Variants in SKAP1 observed in about 807,000 individuals in gnomAD.
The protein encoded by SKAP1 is src kinase-associated phosphoprotein 1.
A neutral mutation model predicts 58.5 loss-of-function variants in SKAP1; 44 were observed. The observed-to-expected ratio is 0.75, with a 90% CI of 0.59 to 0.97. The LOEUF (loss-of-function observed/expected upper bound fraction) is 0.97, where lower values mean the gene tolerates loss of function less well. SKAP1 is among the 50% of genes least tolerant of loss of function. The pLI, the probability that SKAP1 is intolerant of heterozygous loss-of-function variation, is 0.00. For missense variants in SKAP1, 390 were observed against 435.2 expected, an observed-to-expected ratio of 0.90 and a Z score of 0.92; for synonymous variants, 127 against 149.7, an observed-to-expected ratio of 0.85 and a Z score of 1.11.
intron 4 of SKAP1, among the ~76,000 whole-genome samples, chr17:48,216,484 T>C (rs139006015): frequency 6.7e-6 from 1 of 150,234 alleles, no homozygotes; most frequent in African/African-American, 2.5e-5. Flanking sequence ...CACCCAATAC[T>C]GTGAATATAC....
chr17:48,404,730 G>A (rs952619914), intron 1 of SKAP1, among the ~76,000 whole-genome samples: 2 of 151,898 alleles, frequency 1.3e-5, no homozygotes, highest in African/African-American at 2.4e-5. Context: ...TAGCATAAAA[G>A]TGGAACTCAT....
chr17:48,276,617 A>G (rs973221079), intron 4 of SKAP1, among the ~76,000 whole-genome samples: 2 of 152,192 alleles, frequency 1.3e-5, no homozygotes, highest in African/African-American at 2.4e-5. Flanking sequence ...CTTTTGTTCC[A>G]TACATGGTAC....
At chr17:48,415,213 T>G (rs1261794329) in intron 1 of SKAP1, among the ~76,000 whole-genome samples, 2 of 152,132 alleles carry the variant, frequency 1.3e-5, no homozygotes, top group African/African-American at 4.8e-5. Context: ...TTTGAACTAC[T>G]AAAGCAGAAC....
At chr17:48,240,859 T>C (rs571386055) in intron 4 of SKAP1, among the ~76,000 whole-genome samples, 3 of 152,318 alleles carry the variant, frequency 2.0e-5, no homozygotes, top group African/African-American at 7.2e-5. Flanking sequence ...ACACATAGTA[T>C]GATGGCTTCC....
chr17:48,207,048 A>G (rs1054460071), intron 4 of SKAP1, among the ~76,000 whole-genome samples: 2 of 152,330 alleles, frequency 1.3e-5, no homozygotes, highest in South Asian at 2.1e-4. Flanking sequence ...CAGTACAGCC[A>G]TGTCTCCATA....
chr17:48,243,452 T>C (rs2065262585), intron 4 of SKAP1, among the ~76,000 whole-genome samples: 1 of 152,160 alleles, frequency 6.6e-6, no homozygotes, highest in East Asian at 1.9e-4. Flanking sequence ...TGTCAAACAG[T>C]TCATCTTTTG....
Position 48,233,904 on chromosome 17 carries a change from C to T in SKAP1, c.281-44404G>A, listed in dbSNP as rs181161324. Among the ~76,000 whole-genome samples the T allele has an allele frequency of 1.1e-4, 16 of 152,238 alleles. No homozygotes were observed. In the East Asian group the frequency reaches 1.7e-3, roughly 16 times the overall value. On this transcript the variant is annotated intron_variant, in intron 4 of 12. Transcript: ENST00000336915. ...GAGTGGCAGAAATACAAGCCAACAG[C>T]TTCTCTCTCTGCATCCCCCATGCTT...
chr17:48,431,845 T>A (rs542455106), upstream of SKAP1, among the ~76,000 whole-genome samples: 4 of 152,274 alleles, frequency 2.6e-5, no homozygotes, highest in South Asian at 8.3e-4. Context: ...ATGGACTCAA[T>A]CTAGCAGACG....
intron 4 of SKAP1, among the ~76,000 whole-genome samples, chr17:48,258,577 C>G (rs1183144292): frequency 6.6e-6 from 1 of 152,020 alleles, no homozygotes; most frequent in African/African-American, 2.4e-5. Context: ...TGCAGTTTCT[C>G]TAGATGAGAT....
At chr17:48,171,093 G>GTTTTTTTTTTTTTTTT (rs71141969) in intron 9 of SKAP1, among the ~76,000 whole-genome samples, 1 of 70,242 alleles carries the variant, frequency 1.4e-5, no homozygotes, top group Non-Finnish European at 2.4e-5. Flanking sequence ...AATTACTGTT[G>GTTTTTTTTTTTTTTTT]TTTTTTTTTT....
intron 1 of SKAP1, among the ~76,000 whole-genome samples, chr17:48,404,833 T>C (rs949361174): frequency 6.6e-6 from 1 of 152,082 alleles, no homozygotes; most frequent in Non-Finnish European, 1.5e-5. Flanking sequence ...TTAATTACTA[T>C]TTAAAAGATA....
intron 4 of SKAP1, among the ~76,000 whole-genome samples, chr17:48,193,223 A>G (rs1318820676): frequency 6.6e-6 from 1 of 152,026 alleles, no homozygotes; most frequent in Non-Finnish European, 1.5e-5. Context: ...TTGTATTTTT[A>G]GTAGAGACGG....
intron 4 of SKAP1, among the ~76,000 whole-genome samples, chr17:48,237,640 G>T (rs927459603): frequency 3.3e-5 from 5 of 152,196 alleles, no homozygotes; most frequent in Admixed American, 2.6e-4. Context: ...AAGATAGGGA[G>T]ATTAACTGGA....
intron 4 of SKAP1, among the ~76,000 whole-genome samples, chr17:48,300,584 C>A (rs2144125411): frequency 6.6e-6 from 1 of 152,178 alleles, no homozygotes; most frequent in South Asian, 2.1e-4. Context: ...CATATTATAC[C>A]AAGAGAGAGT....
chr17:48,413,716 A>G (rs1187742688), intron 1 of SKAP1, among the ~76,000 whole-genome samples: 1 of 151,566 alleles, frequency 6.6e-6, no homozygotes, highest in Non-Finnish European at 1.5e-5. Flanking sequence ...TGGGTTTTCT[A>G]TGAAGTGATC....
At chr17:48,172,027 TCCA>T (rs2064225543) in intron 9 of SKAP1, among the ~76,000 whole-genome samples, 1 of 152,116 alleles carries the variant, frequency 6.6e-6, no homozygotes, top group South Asian at 2.1e-4. Context: ...GCCACTGCAC[TCCA>T]GCCTGGGTGA....
At chr17:48,286,109 T>C (rs2065827200) in intron 4 of SKAP1, among the ~76,000 whole-genome samples, 1 of 152,220 alleles carries the variant, frequency 6.6e-6, no homozygotes, top group Non-Finnish European at 1.5e-5. Context: ...TTGGGGAGGC[T>C]ACCTCAAATG....
chr17:48,264,273 C>G (rs895436417), intron 4 of SKAP1, among the ~76,000 whole-genome samples: 17 of 148,328 alleles, frequency 1.1e-4, no homozygotes, highest in African/African-American at 4.2e-4. Flanking sequence ...TACACACACA[C>G]AGAGATCAGA....
chr17:48,177,189 C>T (rs1362629607), intron 9 of SKAP1, among the ~76,000 whole-genome samples: 1 of 152,162 alleles, frequency 6.6e-6, no homozygotes, highest in African/African-American at 2.4e-5. Flanking sequence ...TTCACCTGCT[C>T]CATACACATA....
Sources: allele counts gnomAD v4.1 joint callset (sites outside exome capture counted in the v4.1 genomes callset), GRCh38; gene constraint gnomAD v4.1.1; transcripts MANE v1.5; gene names NCBI Gene and HGNC (gene_info 2026-07-23, HGNC 2026-07-21).